Variants in EFCAB5 observed in about 807,000 individuals in gnomAD.
EFCAB5 encodes the protein EF-hand calcium binding domain 5, also known as EF-hand calcium-binding domain-containing protein 5.
Under a neutral mutation model 167.9 loss-of-function variants are expected in EFCAB5, and 131 were observed. The ratio of observed to expected loss-of-function variants is 0.78; its 90% CI spans 0.68 to 0.90. The LOEUF is 0.90. Ranked by LOEUF, EFCAB5 falls within the 40% of genes least tolerant of loss-of-function variation. The pLI, the probability that EFCAB5 is intolerant of heterozygous loss-of-function variation, is 0.00. For synonymous variants in EFCAB5, 574 were observed against 602.8 expected, an observed-to-expected ratio of 0.95 and a Z score of 0.70; for missense variants, 1,663 against 1,745.2, an observed-to-expected ratio of 0.95 and a Z score of 0.84.
chr17:30,099,283 C>CA (rs758746518), intron 22 of EFCAB5, among the ~76,000 whole-genome samples: 2 of 151,610 alleles, frequency 1.3e-5, no homozygotes, highest in African/African-American at 2.4e-5. Flanking sequence ...CCTGTCCCCA[C>CA]AAAAAAAATG....
At chr17:30,102,092 G>A (rs1483285566) in intron 22 of EFCAB5, among the ~76,000 whole-genome samples, 1 of 149,564 alleles carries the variant, frequency 6.7e-6, no homozygotes, top group East Asian at 1.9e-4. Flanking sequence ...GAGAACATGG[G>A]TGCAGATGAG....
At chr17:30,098,514 A>C (rs1423038152) in intron 22 of EFCAB5, among the ~76,000 whole-genome samples, 1 of 151,474 alleles carries the variant, frequency 6.6e-6, no homozygotes. Flanking sequence ...CCTGGGCCAC[A>C]GAACGAGACC....
upstream of EFCAB5, among the ~76,000 whole-genome samples, chr17:29,937,242 A>C (rs988737919): frequency 6.6e-6 from 1 of 151,792 alleles, no homozygotes; most frequent in Admixed American, 6.6e-5. Flanking sequence ...GCTGGAGTGC[A>C]GTGGTGCAAT....
chr17:30,087,306 T>A (rs1226567188), intron 19 of EFCAB5, 140 bp downstream of exon 19: 4 of 661,194 alleles, frequency 6.0e-6, no homozygotes. Flanking sequence ...TATTTTATTT[T>A]AAGTTCTGTG....
intron 14 of EFCAB5, among the ~76,000 whole-genome samples, chr17:30,077,102 G>A (rs2070882663): frequency 6.6e-6 from 1 of 152,194 alleles, no homozygotes; most frequent in African/African-American, 2.4e-5. Context: ...AGGAGTTAGA[G>A]ACCAGCCTGG....
At chr17:30,086,751 G>A (rs1289445312) in intron 18 of EFCAB5, among the ~76,000 whole-genome samples, 1 of 152,202 alleles carries the variant, frequency 6.6e-6, no homozygotes, top group Admixed American at 6.5e-5. Flanking sequence ...AATTAGCTGG[G>A]TATGGTGGTG....
At chr17:29,939,923 C>T (rs189495736), upstream of EFCAB5, among the ~76,000 whole-genome samples, 1 of 152,274 alleles carries the variant, frequency 6.6e-6, no homozygotes, top group Non-Finnish European at 1.5e-5. Context: ...AAATTTCTTA[C>T]TAGTCTTTTA....
At chr17:30,017,997 T>A (rs2069088148) in intron 7 of EFCAB5, among the ~76,000 whole-genome samples, 1 of 152,180 alleles carries the variant, frequency 6.6e-6, no homozygotes, top group African/African-American at 2.4e-5. Flanking sequence ...TGTAGTTTTT[T>A]AAAGAAGATC....
At chr17:30,104,397 A>G (rs2071419370) in intron 22 of EFCAB5, among the ~76,000 whole-genome samples, 1 of 152,204 alleles carries the variant, frequency 6.6e-6, no homozygotes. Flanking sequence ...CAGCATAATG[A>G]ATTCACTATG....
chr17:30,022,464 A>G (rs1022381815), intron 7 of EFCAB5, among the ~76,000 whole-genome samples: 1 of 152,100 alleles, frequency 6.6e-6, no homozygotes, highest in African/African-American at 2.4e-5. Flanking sequence ...CAAAGCAATG[A>G]ACAGACGGCA....
rs2067171227 is a variant in EFCAB5, at chr17:29,930,352, C to T, written c.-127+1023C>T. 5 of 307,216 alleles carry T rather than the reference C, an allele frequency of 1.6e-5. 1 individual carries two copies. The South Asian group carries it at 2.1e-4, about 13-fold the overall frequency. The allele number at this position is 307,216 out of a possible 1,614,324, so 19.0% of individuals were successfully genotyped here. ...CGAGTGCGTGCGCCTCGGGCCGCCG[C>T]ACCCTCCTGGGTTTCCTCCTTCGTG... is the stretch of plus-strand genomic sequence containing the variant. On this transcript the variant is annotated intron_variant, in intron 1 of 3. Coordinates refer to the EFCAB5 transcript ENST00000448319.
intron 7 of EFCAB5, among the ~76,000 whole-genome samples, chr17:30,022,366 GAGA>G (rs1432310583): frequency 6.6e-6 from 1 of 152,168 alleles, no homozygotes; most frequent in Non-Finnish European, 1.5e-5. Context: ...GGTAGAACCA[GAGA>G]AGGAGAGGAT....
At chr17:30,045,866 AAAATAAAT>A (rs758430390) in intron 8 of EFCAB5, among the ~76,000 whole-genome samples, 18 of 151,692 alleles carry the variant, frequency 1.2e-4, no homozygotes, top group African/African-American at 4.3e-4. Flanking sequence ...AATAAAATTA[AAAATAAAT>A]AAATAAATAA....
chr17:29,939,746 T>C (rs146047927), upstream of EFCAB5, among the ~76,000 whole-genome samples: 1,215 of 152,332 alleles, frequency 8.0e-3, 11 homozygotes, highest in African/African-American at 0.024. Flanking sequence ...CTTCACAGAA[T>C]TGAAGAGAAG....
At chr17:30,013,777 G>A (rs2068965157) in intron 7 of EFCAB5, among the ~76,000 whole-genome samples, 1 of 151,964 alleles carries the variant, frequency 6.6e-6, no homozygotes, top group South Asian at 2.1e-4. Flanking sequence ...TGATTTCTTT[G>A]AAGAGTTTTT....
intron 8 of EFCAB5, among the ~76,000 whole-genome samples, 197 bp from the exon 9 acceptor site, chr17:30,050,921 G>C (rs866498778): frequency 6.6e-6 from 1 of 152,152 alleles, no homozygotes; most frequent in Admixed American, 6.5e-5. Context: ...ATTTTGACAC[G>C]TCACAGAATG....
At position 30,034,225 on chromosome 17, in the gene EFCAB5, T is replaced by C. The variant is rs1208719840; in HGVS notation, c.1045-5T>C. On this transcript the variant is annotated splice_region_variant and splice_polypyrimidine_tract_variant and intron_variant, in intron 7 of 22. Coordinates refer to ENST00000394835, the MANE Select transcript of EFCAB5 (RefSeq NM_198529.4). ...ATCGTTTATCCTCTTTTTTTTCCCC[T>C]GTAGTACATCTCTTCACATATTAAA... 2 of 1,613,596 alleles carry C rather than the reference T, an allele frequency of 1.2e-6. No homozygotes were observed. The highest frequency in any genetic ancestry group is 1.1e-5 in the South Asian group (1 of 91,020).
chr17:30,012,247 A>T lies in EFCAB5; in HGVS notation c.1044+12271A>T, dbSNP rs115564110. On this transcript the variant is annotated intron_variant, in intron 7 of 22. Coordinates refer to ENST00000394835, the MANE Select transcript of EFCAB5 (RefSeq NM_198529.4). ...CTTTCCCAGGGGGAGTTTGGAGAAG[A>T]CTCTACTCCTCCACCTCTTGTGAAG... 6.2e-3 allele frequency among the ~76,000 whole-genome samples: 936 copies of T among 151,648 alleles called. 7 individuals carry two copies. Among genetic ancestry groups the T allele is most frequent in the African/African-American group, 0.022 (894 of 41,302 alleles).
At chr17:30,045,825 C>A (rs746015881) in intron 8 of EFCAB5, among the ~76,000 whole-genome samples, 1 of 151,358 alleles carries the variant, frequency 6.6e-6, no homozygotes, top group Non-Finnish European at 1.5e-5. Flanking sequence ...CATAGTGAGA[C>A]CTGGTCTCTA....
Sources: gnomAD v4.1 joint callset for allele counts (sites outside exome capture counted in the v4.1 genomes callset) on GRCh38, gnomAD v4.1.1 for gene constraint, MANE v1.5 for transcripts, NCBI Gene and HGNC (gene_info 2026-07-23, HGNC 2026-07-21) for gene names.